RIMS1: variants seen among roughly 807,000 people sequenced by gnomAD.
RIMS1 encodes the protein regulating synaptic membrane exocytosis protein 1.
RIMS1 carries 83 observed loss-of-function variants against 214.1 expected under a neutral mutation model. That is an observed-to-expected ratio of 0.39 (90% CI 0.32 to 0.47). RIMS1 has a LOEUF of 0.47. RIMS1 is among the 20% of genes least tolerant of loss of function. RIMS1 has a pLI of 0.99. For synonymous variants in RIMS1, 793 were observed against 786.8 expected (o/e 1.01, Z -0.13); for missense variants, 2,050 against 2,161.8 (o/e 0.95, Z 1.03).
chr6:71,888,149 C>A (rs1187587299), intron 1 of RIMS1, among the ~76,000 whole-genome samples: 1 of 152,300 alleles, frequency 6.6e-6, no homozygotes, highest in East Asian at 1.9e-4. Context: ...TTGCCTCAGA[C>A]AAAACTGCTT....
At chr6:72,263,658 G>A (rs1378818046) in intron 19 of RIMS1, 5 of 985,358 alleles carry the variant, frequency 5.1e-6, no homozygotes, top group Non-Finnish European at 6.0e-6. Flanking sequence ...AGAGTCGACT[G>A]TCTAGAAAGG....
In RIMS1 at chr6:72,131,915, A is replaced by C. The variant is rs186279965; in HGVS notation, c.471+31929A>C. Among the ~76,000 whole-genome samples the C allele has an allele frequency of 1.2e-3, 190 of 152,282 alleles. 1 individual carries two copies. The East Asian group carries it at 0.03, about 24-fold the overall frequency. On this transcript the variant is annotated intron_variant, in intron 4 of 33. Transcript: ENST00000521978. ...GGGATGTTCCTTGCTGAGAAAAACAATTCAGTGATATTTCTCCCATTTGCT... is the reference window on the plus strand; with the variant it reads ...GGGATGTTCCTTGCTGAGAAAAACACTTCAGTGATATTTCTCCCATTTGCT...
At chr6:72,128,418 G>A (rs565524921) in intron 4 of RIMS1, among the ~76,000 whole-genome samples, 9 of 149,362 alleles carry the variant, frequency 6.0e-5, no homozygotes, top group African/African-American at 2.2e-4. Flanking sequence ...AAAAAAAATT[G>A]TATTTGCCCC....
intron 29 of RIMS1, among the ~76,000 whole-genome samples, chr6:72,361,939 T>C (rs1216474731): frequency 6.6e-6 from 1 of 152,116 alleles, no homozygotes; most frequent in East Asian, 1.9e-4. Context: ...TTGTAAACAT[T>C]AGGACATGAA....
intron 1 of RIMS1, among the ~76,000 whole-genome samples, chr6:71,928,931 A>G (rs1782291999): frequency 6.6e-6 from 1 of 152,172 alleles, no homozygotes; most frequent in African/African-American, 2.4e-5. Flanking sequence ...ATAAATCTCA[A>G]AAGAAAAATT....
intron 4 of RIMS1, among the ~76,000 whole-genome samples, chr6:72,145,952 C>T (rs542035480): frequency 3.3e-5 from 5 of 152,264 alleles, no homozygotes; most frequent in South Asian, 2.1e-4. Context: ...GAAACAAATA[C>T]GCTGGAAATT....
At chr6:72,113,264 G>A (rs1402791074) in intron 4 of RIMS1, among the ~76,000 whole-genome samples, 1 of 152,024 alleles carries the variant, frequency 6.6e-6, no homozygotes, top group Non-Finnish European at 1.5e-5. Context: ...ATCCGTCTTG[G>A]ATCATGGATT....
chr6:72,182,736 CGGACTCGCCGCG>C lies in RIMS1; in HGVS notation c.1268_1279del (p.Asp423_Arg426del), dbSNP rs1364986687. 2 of 1,538,698 alleles carry C rather than the reference CGGACTCGCCGCG, an allele frequency of 1.3e-6. No homozygotes were observed. Among genetic ancestry groups the C allele is most frequent in the Non-Finnish European group, 1.7e-6 (2 of 1,145,538 alleles). On this transcript the variant is annotated inframe_deletion, in exon 6 of 34. Transcript: ENST00000521978. ...CCGGCGGCAGCCAGGGCCTCGCCGC[CGGACTCGCCGCG>C]GGCTTACTCGGCTGAGAGAACTGCG... is the stretch of plus-strand genomic sequence containing the variant.
chr6:72,192,353 G>A (rs1322394086), intron 6 of RIMS1, among the ~76,000 whole-genome samples: 1 of 152,148 alleles, frequency 6.6e-6, no homozygotes, highest in Non-Finnish European at 1.5e-5. Context: ...AGGTCTCCCT[G>A]GGGAAGGATA....
At position 72,161,353 on chromosome 6, in the gene RIMS1, A is replaced by AT. The variant is rs1212676621; in HGVS notation, c.472-18215dup. On this transcript the variant is annotated intron_variant, in intron 4 of 33. Coordinates refer to ENST00000521978, the MANE Select transcript of RIMS1 (RefSeq NM_014989.7). ...AAAAAACGAGCTCCTGGATTCATTG[A>AT]TTTTTTTGAAGGGCTTTTTGTGTCT... Among the ~76,000 whole-genome samples the AT allele has an allele frequency of 2.2e-5, 3 of 139,068 alleles. 1 individual carries two copies. The East Asian group carries it at 6.1e-4, about 28-fold the overall frequency. 91.2% of individuals were successfully genotyped at this position (139,068 alleles called of 152,430 possible).
chr6:72,232,789 T>C (rs1483479138), intron 6 of RIMS1, among the ~76,000 whole-genome samples: 1 of 151,752 alleles, frequency 6.6e-6, no homozygotes, highest in Non-Finnish European at 1.5e-5. Flanking sequence ...AATTATTTCA[T>C]GTAGCATTTT....
chr6:72,205,392 A>C (rs895966604), intron 6 of RIMS1, among the ~76,000 whole-genome samples: 3 of 152,174 alleles, frequency 2.0e-5, no homozygotes, highest in Non-Finnish European at 4.4e-5. Context: ...CCCCAGAAAG[A>C]ATAAGAGCTC....
chr6:72,314,333 T>C (rs2095654606), intron 28 of RIMS1, among the ~76,000 whole-genome samples: 1 of 152,254 alleles, frequency 6.6e-6, no homozygotes, highest in Non-Finnish European at 1.5e-5. Context: ...TATAGTCGTG[T>C]AACCTAAAAA....
chr6:72,215,214 G>A (rs962751042), intron 6 of RIMS1, among the ~76,000 whole-genome samples: 15 of 152,100 alleles, frequency 9.9e-5, no homozygotes, highest in Admixed American at 3.9e-4. Flanking sequence ...TATCATAATG[G>A]AAGCAACTTA....
intron 6 of RIMS1, among the ~76,000 whole-genome samples, chr6:72,183,762 C>T (rs2048704079): frequency 6.6e-6 from 1 of 150,808 alleles, no homozygotes; most frequent in Admixed American, 6.6e-5. Context: ...GGTAGCCTGG[C>T]AATATTTTAA....
intron 29 of RIMS1, among the ~76,000 whole-genome samples, chr6:72,356,691 C>G (rs1357153962): frequency 1.3e-5 from 2 of 152,010 alleles, no homozygotes; most frequent in Non-Finnish European, 1.5e-5. Flanking sequence ...ACCCCAGAGG[C>G]AGAGGTTGCA....
At chr6:72,052,010 A>G (rs1824839960) in intron 2 of RIMS1, among the ~76,000 whole-genome samples, 1 of 152,210 alleles carries the variant, frequency 6.6e-6, no homozygotes, top group Non-Finnish European at 1.5e-5. Flanking sequence ...TCTTCATGAT[A>G]TATTATGCTT....
intron 29 of RIMS1, chr6:72,365,637 C>A (rs2154394552): frequency 6.6e-6 from 1 of 152,274 alleles, no homozygotes; most frequent in East Asian, 1.9e-4. Context: ...AGGCATAAAC[C>A]AGGATTATCC....
intron 6 of RIMS1, among the ~76,000 whole-genome samples, chr6:72,215,875 A>AT (rs1446076278): frequency 1.3e-5 from 2 of 151,674 alleles, no homozygotes; most frequent in African/African-American, 4.8e-5. Context: ...CTCAGTTTTA[A>AT]TTTTTTTTCT....
Sources: gnomAD v4.1 joint callset for allele counts (sites outside exome capture counted in the v4.1 genomes callset) on GRCh38, gnomAD v4.1.1 for gene constraint, MANE v1.5 for transcripts, NCBI Gene and HGNC (gene_info 2026-07-23, HGNC 2026-07-21) for gene names.